The following PCDH11X variants were observed in gnomAD, a reference collection of about 807,000 sequenced individuals.
PCDH11X encodes protocadherin-11 X-linked.
A neutral mutation model predicts 53.3 loss-of-function variants in PCDH11X; 18 were observed. The observed-to-expected ratio is 0.34, with a 90% CI of 0.23 to 0.50. The LOEUF is 0.50. PCDH11X is among the 20% of genes least tolerant of loss of function. The pLI is 0.98. For missense variants in PCDH11X, 570 were observed against 1,032.4 expected, an observed-to-expected ratio of 0.55 and a Z score of 6.14; for synonymous variants, 279 against 393.3, an observed-to-expected ratio of 0.71 and a Z score of 3.44.
intron 6 of PCDH11X, among the ~76,000 whole-genome samples, chrX:91,909,558 T>C (rs1246441917): frequency 9.1e-6 from 1 of 109,733 alleles, no homozygotes; most frequent in African/African-American, 3.3e-5. Context: ...AAAGAAGGTG[T>C]AGGCATTTAT....
chrX:91,897,366 T>C (rs1334765659), intron 6 of PCDH11X, among the ~76,000 whole-genome samples: 2 of 109,029 alleles, frequency 1.8e-5, no homozygotes, highest in Non-Finnish European at 3.8e-5. Flanking sequence ...GGAATATATA[T>C]GCATCACCAA....
At chrX:92,289,158 A>T (rs12009914) in intron 8 of PCDH11X, among the ~76,000 whole-genome samples, 3,639 of 111,325 alleles carry the variant, frequency 0.033, 113 homozygotes, top group East Asian at 0.26. Flanking sequence ...TTCCTTCAAG[A>T]TTTATCACTG....
intron 4 of PCDH11X, among the ~76,000 whole-genome samples, chrX:91,823,208 A>G (rs1453143598): frequency 9.0e-6 from 1 of 110,678 alleles, no homozygotes; most frequent in Non-Finnish European, 1.9e-5. Flanking sequence ...TGCAGAGCTG[A>G]GTTCAATTCC....
intron 6 of PCDH11X, among the ~76,000 whole-genome samples, chrX:92,147,984 C>CCTTTCTTT (rs1164396401): frequency 1.4e-5 from 1 of 72,103 alleles, no homozygotes; most frequent in Non-Finnish European, 2.3e-5. Flanking sequence ...TTCCTTCCTT[C>CCTTTCTTT]CTTTCTTTCT....
chrX:91,913,247 G>A (rs1258680484), intron 6 of PCDH11X, among the ~76,000 whole-genome samples: 1 of 111,453 alleles, frequency 9.0e-6, no homozygotes, highest in Non-Finnish European at 1.9e-5. Flanking sequence ...ATACAAGCAA[G>A]TGCGGGAGTA....
chrX:91,965,194 A>G (rs1476012960), intron 6 of PCDH11X, among the ~76,000 whole-genome samples: 3 of 110,253 alleles, frequency 2.7e-5, no homozygotes, highest in Non-Finnish European at 3.8e-5. Flanking sequence ...GGGAGATAAT[A>G]TAAAAGACAA....
intron 10 of PCDH11X, among the ~76,000 whole-genome samples, chrX:92,533,874 C>T (rs1279614235): frequency 1.9e-5 from 2 of 107,537 alleles, no homozygotes; most frequent in East Asian, 6.0e-4. Context: ...AAAAGGACAT[C>T]CACACCAAAA....
At chrX:92,108,743 A>G (rs1158359386) in intron 6 of PCDH11X, among the ~76,000 whole-genome samples, 1 of 111,818 alleles carries the variant, frequency 8.9e-6, no homozygotes, top group African/African-American at 3.3e-5. Flanking sequence ...TATAGGATAT[A>G]TTATTCCTTT....
chrX:92,621,313 G>A lies in PCDH11X; in HGVS notation c.*2373G>A, dbSNP rs919076334. 6 of 109,028 alleles carry A rather than the reference G, an allele frequency of 5.5e-5. No individual in the cohort carries two copies. The highest frequency in any genetic ancestry group is 2.0e-4 in the Admixed American group (2 of 10,059). 9.0% of individuals were successfully genotyped at this position (109,028 alleles called of 1,213,427 possible). A position where few individuals can be genotyped will look rare whatever the true frequency, so the allele number is the denominator to read the frequency against. On this transcript the variant is annotated 3_prime_UTR_variant, in exon 11 of 11. Coordinates refer to ENST00000682573, the MANE Select transcript of PCDH11X (RefSeq NM_032968.5). ...TTCTTCTGACAGTATAATTTATTGA[G>A]TTACTAGGGAGGTTCTTAAATCCTC...
intron 6 of PCDH11X, among the ~76,000 whole-genome samples, chrX:92,180,801 T>C (rs1037785629): frequency 8.9e-6 from 1 of 111,973 alleles, no homozygotes; most frequent in African/African-American, 3.2e-5. Context: ...TTGCTTCTTA[T>C]GGCCTTCCGC....
At chrX:92,135,757 T>TTGTG (rs575523392) in intron 6 of PCDH11X, among the ~76,000 whole-genome samples, 23,129 of 99,950 alleles carry the variant, frequency 0.23, 2,817 homozygotes, top group East Asian at 0.83. Context: ...GTGTGCATGT[T>TTGTG]TGTGTGTGTG....
intron 10 of PCDH11X, among the ~76,000 whole-genome samples, chrX:92,539,637 T>A (rs1020465715): frequency 6.3e-5 from 7 of 111,692 alleles, no homozygotes; most frequent in Admixed American, 4.8e-4. Context: ...ATGTTTTCCT[T>A]GATTATCCTG....
chrX:91,800,025 G>A (rs1365435683), intron 1 of PCDH11X, among the ~76,000 whole-genome samples: 1 of 112,553 alleles, frequency 8.9e-6, no homozygotes, highest in African/African-American at 3.2e-5. Context: ...GGAGGCGGAG[G>A]TTGCAGTGAG....
At chrX:92,551,900 G>C (rs1388136369) in intron 10 of PCDH11X, among the ~76,000 whole-genome samples, 2 of 103,177 alleles carry the variant, frequency 1.9e-5, no homozygotes, top group Admixed American at 1.1e-4. Context: ...CTGTTCCATT[G>C]GTCTATGTGT....
At chrX:92,100,567 C>T (rs756426178) in intron 6 of PCDH11X, among the ~76,000 whole-genome samples, 5,436 of 110,264 alleles carry the variant, frequency 0.049, 316 homozygotes, top group African/African-American at 0.15. Flanking sequence ...GGAATGTCAT[C>T]AGTTAAGGTG....
chrX:92,243,027 T>C (rs1203607415), intron 7 of PCDH11X, among the ~76,000 whole-genome samples: 1 of 111,060 alleles, frequency 9.0e-6, no homozygotes, highest in Admixed American at 9.7e-5. Context: ...TTTTCAGATA[T>C]GTGAATTGCA....
chrX:92,314,545 T>C (rs1248296795), intron 8 of PCDH11X, among the ~76,000 whole-genome samples: 1 of 111,789 alleles, frequency 8.9e-6, no homozygotes, highest in Admixed American at 9.6e-5. Flanking sequence ...TCTTATGTAC[T>C]GTACATAATT....
chrX:92,390,046 G>A (rs180805539), intron 9 of PCDH11X, among the ~76,000 whole-genome samples: 2,373 of 110,775 alleles, frequency 0.021, 55 homozygotes, highest in East Asian at 0.096. Context: ...GTAAAGCAAA[G>A]TATATATTTT....
intron 9 of PCDH11X, among the ~76,000 whole-genome samples, chrX:92,393,722 A>T (rs1393870412): frequency 2.7e-5 from 3 of 111,047 alleles, no homozygotes; most frequent in Non-Finnish European, 5.7e-5. Context: ...TTATGTAAAT[A>T]GTGTTAGAAA....
Sources: gnomAD v4.1 joint callset for allele counts (sites outside exome capture counted in the v4.1 genomes callset) on GRCh38, gnomAD v4.1.1 for gene constraint, MANE v1.5 for transcripts, NCBI Gene and HGNC (gene_info 2026-07-23, HGNC 2026-07-21) for gene names.